Variants in MED10 observed in about 807,000 individuals in gnomAD.
The protein encoded by MED10 is mediator complex subunit 10.
In MED10, 9 loss-of-function variants were observed where a neutral mutation model predicts 17.2. The observed-to-expected ratio is 0.52, with a 90% CI of 0.31 to 0.91. The LOEUF (loss-of-function observed/expected upper bound fraction) is 0.91, where lower values mean the gene tolerates loss of function less well. Ranked by LOEUF, MED10 falls within the 40% of genes least tolerant of loss-of-function variation. MED10 has a pLI of 0.04. For missense variants in MED10, 129 were observed against 164.8 expected (o/e 0.78, Z 1.19); for synonymous variants, 66 against 59.8 (o/e 1.10, Z -0.48).
chr5:6,373,260 CTG>C (rs1172466099), intron 3 of MED10, among the ~76,000 whole-genome samples: 1 of 152,210 alleles, frequency 6.6e-6, no homozygotes, highest in Non-Finnish European at 1.5e-5. Context: ...CAAGAGGCCA[CTG>C]TGTGACCATC....
At position 6,374,059 on chromosome 5, in the gene MED10, T is replaced by C. The variant is rs554302034; in HGVS notation, c.309+265A>G. ...GCAATAAAAGTGCATCTTAAAAAAA[T>C]GAAAATGATCACAGCCAGTGAGAAC... On this transcript the variant is annotated intron_variant, in intron 3 of 3. Transcript: ENST00000255764. Among the ~76,000 whole-genome samples, 15 of 152,316 alleles carry C rather than the reference T, an allele frequency of 9.8e-5. No homozygotes were observed. The East Asian group carries it at 2.1e-3, about 22-fold the overall frequency.
At chr5:6,373,337 G>T (rs925820847) in intron 3 of MED10, among the ~76,000 whole-genome samples, 1 of 152,150 alleles carries the variant, frequency 6.6e-6, no homozygotes, top group African/African-American at 2.4e-5. Context: ...GCATCAGTGG[G>T]AACAGAACAC....
chr5:6,372,488 G>C lies in MED10; in HGVS notation c.*15C>G, dbSNP rs1737908508. ...CGCAGTCCCAGGGGATCTTCACACA[G>C]GGAGGGTGAGCTGGTTAAGAAGGCG... On this transcript the variant is annotated 3_prime_UTR_variant, in exon 4 of 4. Coordinates refer to ENST00000255764, the MANE Select transcript of MED10 (RefSeq NM_032286.3). 6.2e-7 allele frequency: 1 copy of C among 1,609,902 alleles called. No homozygotes were observed. The highest frequency in any genetic ancestry group is 1.7e-5 in the Admixed American group (1 of 59,992).
chr5:6,377,904 CA>C (rs1223338289), intron 1 of MED10, among the ~76,000 whole-genome samples: 1 of 152,232 alleles, frequency 6.6e-6, no homozygotes, highest in East Asian at 1.9e-4. Flanking sequence ...CCTCCACTGT[CA>C]GGCCTATGCG....
chr5:6,374,234 G>T, intron 3 of MED10, 90 bp downstream of exon 3: 1 of 825,204 alleles, frequency 1.2e-6, no homozygotes, highest in African/African-American at 1.7e-5. Flanking sequence ...CAATATTCTA[G>T]CAAGTATGGA....
rs192029435 is a variant in MED10 at position 6,376,828 on chromosome 5, A to G, written c.206+338T>C. The G allele has an allele frequency of 1.3e-3, 220 of 167,064 alleles. 1 individual carries two copies. The highest frequency in any genetic ancestry group is 2.1e-3 in the Non-Finnish European group (162 of 78,096). The allele number at this position is 167,064 out of a possible 1,614,324, so 10.3% of individuals were successfully genotyped here. A position where few individuals can be genotyped will look rare whatever the true frequency, so the allele number is the denominator to read the frequency against. On this transcript the variant is annotated intron_variant, in intron 2 of 3. Transcript: ENST00000255764. The stretch of plus-strand genomic sequence containing the variant: ...ACTTTTCACCTCTTAAGGAAAAAAG[A>G]AAGTTTTGTGGCTGTTCTTTAGCCT...
rs1160345196 is a variant in MED10 at position 6,374,441 on chromosome 5, T to C, written c.207-15A>G. 1 of 1,534,336 alleles carries C rather than the reference T, an allele frequency of 6.5e-7. No individual in the cohort carries two copies. The highest frequency in any genetic ancestry group is 9.0e-7 in the Non-Finnish European group (1 of 1,107,340). ...GATCTATATATCTGGAAACACGATA[T>C]ATTTCAATTAGCATTCTCATGACTG... is the stretch of plus-strand genomic sequence containing the variant. On this transcript the variant is annotated splice_polypyrimidine_tract_variant and intron_variant, in intron 2 of 3. Coordinates refer to ENST00000255764, the MANE Select transcript of MED10 (RefSeq NM_032286.3).
chr5:6,378,528 C>G lies in MED10; in HGVS notation c.-45G>C, dbSNP rs926933347. 9.5e-6 allele frequency: 15 copies of G among 1,584,638 alleles called. No homozygotes were observed. The highest frequency in any genetic ancestry group is 1.3e-5 in the Non-Finnish European group (15 of 1,163,700). On this transcript the variant is annotated 5_prime_UTR_variant, in exon 1 of 4. Transcript: ENST00000255764. ...CCCACACAGCCTCAACCAGCAGCGC[C>G]GCAGGCGTGGCCCTACGCTCCCGCT...
intron 2 of MED10, chr5:6,374,872 T>C (rs2562616): frequency 0.51 from 80,829 of 159,296 alleles, 20,791 homozygotes; most frequent in African/African-American, 0.55. Flanking sequence ...GCAGCCTCCA[T>C]TCTAGGTCAG....
chr5:6,375,349 T>C (rs548463063), intron 2 of MED10, among the ~76,000 whole-genome samples: 2 of 152,272 alleles, frequency 1.3e-5, no homozygotes, highest in South Asian at 2.1e-4. Context: ...AGGCCAAAAA[T>C]ATATAATCAC....
At position 6,374,632 on chromosome 5, in the gene MED10, G is replaced by C; in HGVS notation, c.207-206C>G. 7 of 514,830 alleles carry C rather than the reference G, an allele frequency of 1.4e-5. No homozygotes were observed. The South Asian group carries it at 1.6e-4, about 12-fold the overall frequency. The allele number at this position is 514,830 out of a possible 1,614,324, so 31.9% of individuals were successfully genotyped here. A position where few individuals can be genotyped will look rare whatever the true frequency, so the allele number is the denominator to read the frequency against. ...CTGATTTCATTACTTCTGATAATAC[G>C]AACAGCTCATAAAATCAAGTAATGA... On this transcript the variant is annotated intron_variant, in intron 2 of 3. Transcript: ENST00000255764.
chr5:6,374,372 C>T lies in MED10; in HGVS notation c.261G>A (p.Arg87=), dbSNP rs765961257. ...PQLYTKECLE[R]ALAKNEQVKG... The stretch of plus-strand genomic sequence containing the variant: ...TAACTTGCTCATTTTTAGCTAGAGC[C>T]CTCTCCAGGCACTCTTTGGTGTAGA... Residue 87 remains arginine, a synonymous_variant, in exon 3 of 4, where the codon AGG becomes AGA. Coordinates refer to ENST00000255764, the MANE Select transcript of MED10 (RefSeq NM_032286.3). The T allele has an allele frequency of 1.6e-4, 256 of 1,613,956 alleles. 1 individual carries two copies. In the Admixed American group the frequency reaches 4.2e-3, roughly 27 times the overall value.
At chr5:6,375,718 G>A (rs1737975253) in intron 2 of MED10, among the ~76,000 whole-genome samples, 1 of 152,186 alleles carries the variant, frequency 6.6e-6, no homozygotes, top group South Asian at 2.1e-4. Flanking sequence ...GACACAGTTG[G>A]TGTGTATGAA....
In MED10 at chr5:6,374,369, A is replaced by T; in HGVS notation, c.264T>A (p.Ala88=). The change falls in exon 3 of 4, where the codon GCT becomes GCA. Residue 88 remains alanine (A), a synonymous_variant. Coordinates refer to ENST00000255764, the MANE Select transcript of MED10 (RefSeq NM_032286.3). ...CTTTAACTTGCTCATTTTTAGCTAG[A>T]GCCCTCTCCAGGCACTCTTTGGTGT... The part of the protein sequence containing the change: ...QLYTKECLER[A]LAKNEQVKGK... The T allele has an allele frequency of 1.2e-6, 2 of 1,614,110 alleles. No individual in the cohort carries two copies. Among genetic ancestry groups the T allele is most frequent in the Non-Finnish European group, 1.7e-6 (2 of 1,179,954 alleles).
chr5:6,377,059 G>GC, intron 2 of MED10, 107 bp downstream of exon 2: 1 of 621,656 alleles, frequency 1.6e-6, no homozygotes, highest in Non-Finnish European at 2.6e-6. Flanking sequence ...CCCAGGCTGT[G>GC]CCTACCACAC....
chr5:6,376,666 T>C (rs1220650748), intron 2 of MED10: 1 of 152,296 alleles, frequency 6.6e-6, no homozygotes, highest in African/African-American at 2.4e-5. Flanking sequence ...AACCCTTTCT[T>C]TCCTCCTTCG....
chr5:6,375,713 A>G (rs916767368), intron 2 of MED10, among the ~76,000 whole-genome samples: 1 of 152,326 alleles, frequency 6.6e-6, no homozygotes, highest in Non-Finnish European at 1.5e-5. Flanking sequence ...CTAAAGACAC[A>G]GTTGGTGTGT....
At position 6,372,373 on chromosome 5, in the gene MED10, G is replaced by T. The variant is rs1412198008; in HGVS notation, c.*130C>A. On this transcript the variant is annotated 3_prime_UTR_variant, in exon 4 of 4. Coordinates refer to ENST00000255764, the MANE Select transcript of MED10 (RefSeq NM_032286.3). Reference sequence around the variant, plus strand: ...CGGTCCCATGAGGCCAAACAATGAGGACAGAGGGGCTGAGGGGTGTGTCCA... The same window carrying T: ...CGGTCCCATGAGGCCAAACAATGAGTACAGAGGGGCTGAGGGGTGTGTCCA... 1.4e-6 allele frequency: 1 copy of T among 723,274 alleles called. No individual in the cohort carries two copies. The allele number at this position is 723,274 out of a possible 1,614,324, so 44.8% of individuals were successfully genotyped here.
chr5:6,378,536 T>C lies in MED10; in HGVS notation c.-53A>G. The C allele has an allele frequency of 6.4e-7, 1 of 1,570,900 alleles. No homozygotes were observed. Among genetic ancestry groups the C allele is most frequent in the Non-Finnish European group, 8.7e-7 (1 of 1,155,730 alleles). The stretch of plus-strand genomic sequence containing the variant: ...GCCTCAACCAGCAGCGCCGCAGGCG[T>C]GGCCCTACGCTCCCGCTTCCTGCTT... On this transcript the variant is annotated 5_prime_UTR_variant, in exon 1 of 4. Transcript: ENST00000255764.
Sources: gnomAD v4.1 joint callset for allele counts (sites outside exome capture counted in the v4.1 genomes callset) on GRCh38, gnomAD v4.1.1 for gene constraint, MANE v1.5 for transcripts, NCBI Gene and HGNC (gene_info 2026-07-23, HGNC 2026-07-21) for gene names.